Variants in PCDHGB5 observed in about 807,000 individuals in gnomAD.
PCDHGB5 encodes the protein protocadherin gamma-B5.
In PCDHGB5, 48 loss-of-function variants were observed where a neutral mutation model predicts 62.9. That is an observed-to-expected ratio of 0.76 (90% CI 0.61 to 0.97). PCDHGB5 has a LOEUF of 0.97. PCDHGB5 is among the 50% of genes least tolerant of loss of function. The pLI is 0.00. For missense variants in PCDHGB5, 1,118 were observed against 1,198.6 expected, an observed-to-expected ratio of 0.93 and a Z score of 0.99; for synonymous variants, 474 against 511.2, an observed-to-expected ratio of 0.93 and a Z score of 0.98.
At chr5:141,444,434 G>A (rs761353277) in intron 1 of PCDHGB5, among the ~76,000 whole-genome samples, 16 of 152,196 alleles carry the variant, frequency 1.1e-4, no homozygotes, top group Admixed American at 7.2e-4. Flanking sequence ...GCCTCCCAAA[G>A]TGCTGGGATT....
chr5:141,487,633 T>C lies in PCDHGB5; in HGVS notation c.2398-7174T>C. On this transcript the variant is annotated intron_variant, in intron 1 of 3. Transcript: ENST00000617380. The surrounding 1 kb of genome is among the most constrained non-coding windows in gnomAD (Gnocchi z 5.0). ...GGCTAGAGGTGAGACCTTTGCAGGCTCAACAAATGCTTGAGGGTTATTCTG... is the reference window on the plus strand; with the variant it reads ...GGCTAGAGGTGAGACCTTTGCAGGCCCAACAAATGCTTGAGGGTTATTCTG... 3 of 1,614,164 alleles carry C rather than the reference T, an allele frequency of 1.9e-6. No individual in the cohort carries two copies. The highest frequency in any genetic ancestry group is 2.7e-5 in the African/African-American group (2 of 75,052).
chr5:141,427,912 A>T (rs1268491054), intron 1 of PCDHGB5: 2 of 1,577,806 alleles, frequency 1.3e-6, no homozygotes, highest in Admixed American at 3.3e-5. Flanking sequence ...CTCAGCGCCA[A>T]CATGAGCCGG....
intron 1 of PCDHGB5, chr5:141,475,926 G>C: frequency 4.8e-6 from 3 of 619,440 alleles, no homozygotes; most frequent in East Asian, 2.9e-5. Context: ...GCTGGAGATC[G>C]GGCCCCTGCC....
At chr5:141,422,171 T>C (rs1204753893) in intron 1 of PCDHGB5, 4 of 1,564,922 alleles carry the variant, frequency 2.6e-6, no homozygotes, top group Non-Finnish European at 3.4e-6. Context: ...AAATATAGAT[T>C]CTATGAGATG....
chr5:141,481,104 C>T (rs2099531861), intron 1 of PCDHGB5, among the ~76,000 whole-genome samples: 1 of 152,130 alleles, frequency 6.6e-6, no homozygotes. Context: ...ACTCTGGAAC[C>T]TACCAATCCA....
At position 141,491,679 on chromosome 5, in the gene PCDHGB5, T is replaced by C. The variant is rs111288145; in HGVS notation, c.2398-3128T>C. On this transcript the variant is annotated intron_variant, in intron 1 of 3. Coordinates refer to ENST00000617380, the MANE Select transcript of PCDHGB5 (RefSeq NM_018925.3). This position sits in a 1 kb window ranked among gnomAD's most constrained non-coding sequence, Gnocchi z 6.9. ...CTGACGCCATCCGGTCCCGCTCTAA[T>C]ACGCTGCGGGAGCGGAGCCAGGTGA... is the stretch of plus-strand genomic sequence containing the variant. 21 of 1,613,378 alleles carry C rather than the reference T, an allele frequency of 1.3e-5. No homozygotes were observed. Among genetic ancestry groups the C allele is most frequent in the Middle Eastern group, 1.6e-4 (1 of 6,078 alleles).
rs1014896576 is a variant in PCDHGB5, at chr5:141,512,427, C to T, written c.*1254C>T. 6.5e-6 allele frequency: 1 copy of T among 152,788 alleles called. No individual in the cohort carries two copies. Among genetic ancestry groups the T allele is most frequent in the African/African-American group, 2.4e-5 (1 of 41,460 alleles). The allele number at this position is 152,788 out of a possible 1,614,324, so 9.5% of individuals were successfully genotyped here. A position where few individuals can be genotyped will look rare whatever the true frequency, so the allele number is the denominator to read the frequency against. On this transcript the variant is annotated 3_prime_UTR_variant, in exon 4 of 4. Transcript: ENST00000617380. ...GGGCTTCTTCAACAGGGCCCCTGCC[C>T]TCCTGAAGCCTCAGTCCTTCACCTT...
intron 1 of PCDHGB5, chr5:141,421,750 C>G: frequency 6.2e-7 from 1 of 1,613,906 alleles, no homozygotes; most frequent in East Asian, 2.2e-5. Flanking sequence ...CCAGCTCAGC[C>G]CTAATAATTA....
chr5:141,482,530 C>CAAAAAAAAAAAAAAAAAA (rs3074545), intron 1 of PCDHGB5, among the ~76,000 whole-genome samples: 1 of 76,562 alleles, frequency 1.3e-5, no homozygotes, highest in Non-Finnish European at 2.6e-5. Flanking sequence ...GACAGACATG[C>CAAAAAAAAAAAAAAAAAA]AAAAAAAAAA....
intron 1 of PCDHGB5, among the ~76,000 whole-genome samples, chr5:141,447,725 C>T (rs1009407606): frequency 1.3e-5 from 2 of 152,174 alleles, no homozygotes; most frequent in African/African-American, 4.8e-5. Context: ...TTTTCCAAAA[C>T]TCATTGAACT....
At chr5:141,420,291 G>A in intron 1 of PCDHGB5, 1 of 1,494,346 alleles carries the variant, frequency 6.7e-7, no homozygotes, top group Non-Finnish European at 9.0e-7. Context: ...ATTTAAAAAT[G>A]TATTTAATCC....
At chr5:141,465,840 A>G (rs1212861707) in intron 1 of PCDHGB5, among the ~76,000 whole-genome samples, 1 of 151,734 alleles carries the variant, frequency 6.6e-6, no homozygotes, top group Non-Finnish European at 1.5e-5. Context: ...ATTTCAACTG[A>G]GGCTGGGCCC....
Position 141,486,799 on chromosome 5 carries a change from C to A in PCDHGB5, c.2398-8008C>A. The A allele has an allele frequency of 6.2e-7, 1 of 1,614,220 alleles. No individual in the cohort carries two copies. Among genetic ancestry groups the A allele is most frequent in the African/African-American group, 1.3e-5 (1 of 75,060 alleles). ...AGGTGCAGGCCCGGGATCGGGGCAA[C>A]CCACCCCTTAGCAGCACTGTAACAG... On this transcript the variant is annotated intron_variant, in intron 1 of 3. Coordinates refer to ENST00000617380, the MANE Select transcript of PCDHGB5 (RefSeq NM_018925.3). This position sits in a 1 kb window ranked among gnomAD's most constrained non-coding sequence, Gnocchi z 5.0.
chr5:141,427,126 C>T (rs1216633922), intron 1 of PCDHGB5: 1 of 457,282 alleles, frequency 2.2e-6, no homozygotes, highest in Non-Finnish European at 4.4e-6. Context: ...TCTTTCAAAT[C>T]CCTACGAGAT....
At chr5:141,422,198 A>G (rs2096632774) in intron 1 of PCDHGB5, 1 of 1,562,340 alleles carries the variant, frequency 6.4e-7, no homozygotes, top group Non-Finnish European at 8.6e-7. Flanking sequence ...CAAGGCCAAG[A>G]TGGTGGAGGT....
intron 1 of PCDHGB5, among the ~76,000 whole-genome samples, chr5:141,463,128 A>G (rs914895217): frequency 1.5e-4 from 23 of 152,190 alleles, no homozygotes; most frequent in Admixed American, 1.4e-3. Context: ...GCTCCCTGGC[A>G]GTTCTTCGCC....
At chr5:141,437,197 G>A (rs535640562) in intron 1 of PCDHGB5, among the ~76,000 whole-genome samples, 69 of 152,330 alleles carry the variant, frequency 4.5e-4, no homozygotes, top group Non-Finnish European at 7.8e-4. Flanking sequence ...GGGTTTGGAT[G>A]TGTTTACATT....
chr5:141,405,103 G>A (rs368202826), intron 1 of PCDHGB5: 2 of 1,613,922 alleles, frequency 1.2e-6, no homozygotes, highest in Non-Finnish European at 1.7e-6. Flanking sequence ...TCAGGCTGAG[G>A]CACTGGCACT....
At chr5:141,423,240 A>G (rs1260661059) in intron 1 of PCDHGB5, 1 of 1,613,932 alleles carries the variant, frequency 6.2e-7, no homozygotes, top group Middle Eastern at 1.6e-4. Context: ...GCATCCCCGA[A>G]GTCCTGGCGG....
Sources: gnomAD v4.1 joint callset for allele counts (sites outside exome capture counted in the v4.1 genomes callset) on GRCh38, gnomAD v4.1.1 for gene constraint, Gnocchi (gnomAD v3.1) non-coding constraint, MANE v1.5 for transcripts, NCBI Gene and HGNC (gene_info 2026-07-23, HGNC 2026-07-21) for gene names.